The following DACH2 variants were observed in gnomAD, a reference collection of about 807,000 sequenced individuals.
DACH2 encodes dachshund homolog 2.
In DACH2, 17 loss-of-function variants were observed where a neutral mutation model predicts 35.8. That is an observed-to-expected ratio of 0.48 (90% confidence interval 0.33 to 0.71). DACH2 has a LOEUF of 0.71. DACH2 is among the 30% of genes least tolerant of loss of function. The probability of loss-of-function intolerance (pLI) is 0.02; values close to 1 mark genes in which losing one functional copy is unlikely to be tolerated. For synonymous variants in DACH2, 195 were observed against 177.3 expected (o/e 1.10, Z -0.79); for missense variants, 469 against 472.7 (o/e 0.99, Z 0.07).
At chrX:86,790,739 G>T (rs1381981494) in intron 7 of DACH2, among the ~76,000 whole-genome samples, 3 of 110,692 alleles carry the variant, frequency 2.7e-5, no homozygotes, top group Non-Finnish European at 5.7e-5. Context: ...ACAGGGTCTT[G>T]CTATGTTACC....
chrX:86,590,608 G>A (rs62593326), intron 3 of DACH2, among the ~76,000 whole-genome samples: 5,534 of 111,043 alleles, frequency 0.05, 118 homozygotes, highest in Middle Eastern at 0.1. Context: ...TGATCATATG[G>A]CAAGAGTATG....
chrX:86,342,055 T>C (rs1435498593), intron 1 of DACH2, among the ~76,000 whole-genome samples: 1 of 112,049 alleles, frequency 8.9e-6, no homozygotes, highest in Non-Finnish European at 1.9e-5. Flanking sequence ...ACGTAGTTGA[T>C]AAAGCAGTGG....
At chrX:86,179,509 T>C (rs2031407747) in intron 1 of DACH2, among the ~76,000 whole-genome samples, 1 of 111,831 alleles carries the variant, frequency 8.9e-6, no homozygotes, top group Admixed American at 9.6e-5. Flanking sequence ...GTGTAGTAGA[T>C]GAATCTATGT....
chrX:86,382,897 G>A (rs1195671796), intron 2 of DACH2, among the ~76,000 whole-genome samples: 1 of 110,723 alleles, frequency 9.0e-6, no homozygotes, highest in Non-Finnish European at 1.9e-5. Context: ...GTTGCTTTGG[G>A]CCTGTTTGTT....
chrX:86,276,732 C>A (rs2033923607), intron 1 of DACH2, among the ~76,000 whole-genome samples: 1 of 112,052 alleles, frequency 8.9e-6, no homozygotes, highest in Non-Finnish European at 1.9e-5. Flanking sequence ...GATCTGGTTT[C>A]ATTCTTCTGC....
chrX:86,656,813 G>T (rs368261538), intron 4 of DACH2, among the ~76,000 whole-genome samples: 12 of 96,099 alleles, frequency 1.2e-4, no homozygotes, highest in African/African-American at 4.7e-4. Context: ...AATTAATCAA[G>T]CCATAAAATA....
intron 2 of DACH2, among the ~76,000 whole-genome samples, chrX:86,497,281 A>G (rs1345690375): frequency 8.9e-6 from 1 of 111,827 alleles, no homozygotes; most frequent in Non-Finnish European, 1.9e-5. Flanking sequence ...TCTGGGGATG[A>G]GGCCTTACAA....
chrX:86,822,070 A>G (rs1330148150), intron 11 of DACH2, among the ~76,000 whole-genome samples: 3 of 111,843 alleles, frequency 2.7e-5, no homozygotes, highest in Non-Finnish European at 5.6e-5. Context: ...GGGATTCACC[A>G]TATGCCAACC....
At chrX:86,656,043 A>C (rs907409495) in intron 4 of DACH2, among the ~76,000 whole-genome samples, 5 of 83,683 alleles carry the variant, frequency 6.0e-5, no homozygotes, top group African/African-American at 2.3e-4. Context: ...CCCCCCCACT[A>C]ATCTGTACAT....
At chrX:86,464,993 G>C (rs2037641316) in intron 2 of DACH2, among the ~76,000 whole-genome samples, 1 of 112,208 alleles carries the variant, frequency 8.9e-6, no homozygotes, top group Non-Finnish European at 1.9e-5. Flanking sequence ...AAGTATATGA[G>C]TGACTTTTCT....
At chrX:86,785,399 C>G (rs1251768565) in intron 7 of DACH2, among the ~76,000 whole-genome samples, 2 of 111,690 alleles carry the variant, frequency 1.8e-5, no homozygotes, top group African/African-American at 6.5e-5. Flanking sequence ...GGATTTAGCC[C>G]TCAGACATTC....
At chrX:86,502,011 T>TTTCCTTCCTTCCTTCCTTCC (rs533021751) in intron 2 of DACH2, among the ~76,000 whole-genome samples, 3 of 95,549 alleles carry the variant, frequency 3.1e-5, no homozygotes, top group Non-Finnish European at 4.2e-5. Context: ...TCTTTCCTTC[T>TTTCCTTCCTTCCTTCCTTCC]TTCCTTCCTT....
intron 1 of DACH2, among the ~76,000 whole-genome samples, chrX:86,255,040 C>T (rs2033490540): frequency 9.3e-6 from 1 of 107,813 alleles, no homozygotes; most frequent in Non-Finnish European, 1.9e-5. Context: ...GAGAGATGTC[C>T]AAAGGAAAGA....
At chrX:86,221,172 C>G (rs1055591211) in intron 1 of DACH2, among the ~76,000 whole-genome samples, 7 of 111,281 alleles carry the variant, frequency 6.3e-5, no homozygotes, top group Non-Finnish European at 1.1e-4. Flanking sequence ...ATGTTTTCCT[C>G]TACGAGTTTT....
At chrX:86,721,665 G>A (rs938485685) in intron 6 of DACH2, among the ~76,000 whole-genome samples, 1 of 111,414 alleles carries the variant, frequency 9.0e-6, no homozygotes, top group African/African-American at 3.3e-5. Context: ...ACATGTTTGG[G>A]TATGTTTACA....
At chrX:86,306,671 G>A (rs145999575) in intron 1 of DACH2, among the ~76,000 whole-genome samples, 221 of 111,696 alleles carry the variant, frequency 2.0e-3, no homozygotes, top group African/African-American at 6.9e-3. Context: ...TTCAAACATT[G>A]GACTCCAAGT....
At chrX:86,823,307 T>C (rs1379786858) in intron 11 of DACH2, among the ~76,000 whole-genome samples, 1 of 112,359 alleles carries the variant, frequency 8.9e-6, no homozygotes, top group Non-Finnish European at 1.9e-5. Context: ...TCTAGGGAAC[T>C]TATTTTTCAT....
At chrX:86,291,014 C>A (rs2034277644) in intron 1 of DACH2, among the ~76,000 whole-genome samples, 1 of 105,811 alleles carries the variant, frequency 9.5e-6, no homozygotes, top group Admixed American at 1.0e-4. Flanking sequence ...TTACCTTGGG[C>A]AGTATGGCCA....
chrX:86,391,406 TGTACTATAATTTATAA>T (rs1388036476), intron 2 of DACH2, among the ~76,000 whole-genome samples: 1 of 108,697 alleles, frequency 9.2e-6, no homozygotes, highest in Admixed American at 1.0e-4. Flanking sequence ...CCAGTGGAAT[TGTACTATAATTTATAA>T]GGGGTTGTAG....
Sources: gnomAD v4.1 joint callset for allele counts (sites outside exome capture counted in the v4.1 genomes callset) on GRCh38, gnomAD v4.1.1 for gene constraint, MANE v1.5 for transcripts, NCBI Gene and HGNC (gene_info 2026-07-23, HGNC 2026-07-21) for gene names.